RFC5: variants seen among roughly 807,000 people sequenced by gnomAD.
The protein encoded by RFC5 is A1 36 kDa subunit.
A neutral mutation model predicts 44.3 loss-of-function variants in RFC5; 26 were observed. That is an observed-to-expected ratio of 0.59 (90% CI 0.43 to 0.81). The LOEUF is 0.81. Ranked by LOEUF, RFC5 falls within the 40% of genes least tolerant of loss-of-function variation. RFC5 has a pLI of 0.00. For synonymous variants in RFC5, 155 were observed against 155.2 expected (o/e 1.00, Z 0.01); for missense variants, 328 against 418.6 (o/e 0.78, Z 1.89).
intron 10 of RFC5, 36 bp from the exon 11 acceptor site, chr12:118,031,144 GGT>G (rs745971426): frequency 1.4e-6 from 2 of 1,425,066 alleles, no homozygotes; most frequent in Admixed American, 1.7e-5. Context: ...AGCTGTGTTT[GGT>G]GTCTTTTTTC....
At chr12:118,034,664 T>C (rs2137759017), downstream of RFC5, 6 of 492,418 alleles carry the variant, frequency 1.2e-5, no homozygotes, top group South Asian at 1.5e-4. Context: ...ACCTACTGAA[T>C]TATAGATGTT....
In RFC5 at chr12:118,016,906, G is replaced by C; in HGVS notation, c.65+14G>C. 1 of 1,610,856 alleles carries C rather than the reference G, an allele frequency of 6.2e-7. No homozygotes were observed. The highest frequency in any genetic ancestry group is 8.5e-7 in the Non-Finnish European group (1 of 1,178,244). On this transcript the variant is annotated intron_variant, in intron 1 of 10. Transcript: ENST00000454402. Reference sequence around the variant, plus strand: ...GAACCTGCCCTGGTAGGAGGAGGCCGAGCGGCGGCGGTGGGCAGAGGGGGC... The same window carrying C: ...GAACCTGCCCTGGTAGGAGGAGGCCCAGCGGCGGCGGTGGGCAGAGGGGGC...
At position 118,030,321 on chromosome 12, in the gene RFC5, A is replaced by G. The variant is rs146421414; in HGVS notation, c.926+496A>G. ...TAGACGTCAGCATAGGCCAACTCTA[A>G]TTTGTGGCATTGGCTTTCACAGGCA... is the stretch of plus-strand genomic sequence containing the variant. On this transcript the variant is annotated intron_variant, in intron 10 of 10. Transcript: ENST00000454402. Among the ~76,000 whole-genome samples the G allele has an allele frequency of 8.5e-5, 13 of 152,288 alleles. No individual in the cohort carries two copies. In the East Asian group the frequency reaches 2.3e-3, roughly 27 times the overall value.
chr12:118,036,141 G>A (rs944717095), downstream of RFC5: 12 of 547,710 alleles, frequency 2.2e-5, no homozygotes, highest in East Asian at 3.1e-4. Flanking sequence ...GGTGGAGGTT[G>A]CAGTGATCCA....
At position 118,028,580 on chromosome 12, in the gene RFC5, CTT is replaced by C. The variant is rs1414941129; in HGVS notation, c.871+552_871+553del. Among the ~76,000 whole-genome samples the C allele has an allele frequency of 1.7e-4, 25 of 149,170 alleles. No individual in the cohort carries two copies. The East Asian group carries it at 3.4e-3, about 20-fold the overall frequency. On this transcript the variant is annotated intron_variant, in intron 9 of 10. Coordinates refer to ENST00000454402, the MANE Select transcript of RFC5 (RefSeq NM_007370.7). ...GAAAGTGAAAACTCCTGGAGGCTAA[CTT>C]TATTTCCTCTAGGGGTTTATATTTT... is the stretch of plus-strand genomic sequence containing the variant.
intron 5 of RFC5, among the ~76,000 whole-genome samples, chr12:118,024,277 G>A (rs1013208156): frequency 1.3e-5 from 2 of 151,408 alleles, no homozygotes; most frequent in Non-Finnish European, 2.9e-5. Context: ...GGAGGCAGAG[G>A]TTGCAGGGAG....
At chr12:118,040,354 C>T in the RFC5 span, among the ~76,000 whole-genome samples, 2 of 152,150 alleles carry the variant, frequency 1.3e-5, no homozygotes, top group Non-Finnish European at 2.9e-5. Context: ...CACTCTTGGT[C>T]ACTCTCACTT....
At chr12:118,025,544 G>A (rs1395621212) in intron 6 of RFC5, 1 of 493,468 alleles carries the variant, frequency 2.0e-6, no homozygotes, top group Non-Finnish European at 3.6e-6. Context: ...CTCGATTTTG[G>A]TTGGCTGTGA....
chr12:118,026,292 T>C (rs2030934722), intron 7 of RFC5, among the ~76,000 whole-genome samples: 1 of 152,208 alleles, frequency 6.6e-6, no homozygotes, highest in African/African-American at 2.4e-5. Flanking sequence ...ACTTTGTATT[T>C]TGATTAATTG....
At chr12:118,017,589 T>C in intron 1 of RFC5, 1 of 910,188 alleles carries the variant, frequency 1.1e-6, no homozygotes, top group Non-Finnish European at 1.4e-6. Context: ...AAGTTGTCAT[T>C]GTCTAGTAAC....
intron 3 of RFC5, among the ~76,000 whole-genome samples, chr12:118,020,265 TCA>T (rs2030393781): frequency 6.6e-6 from 1 of 152,178 alleles, no homozygotes; most frequent in African/African-American, 2.4e-5. Flanking sequence ...AGGGTACATC[TCA>T]CAGGTGGTAC....
chr12:118,017,712 C>T, intron 1 of RFC5: 2 of 771,750 alleles, frequency 2.6e-6, no homozygotes, highest in Non-Finnish European at 2.0e-6. Context: ...GCTCTGTCGC[C>T]CATGCTGGAG....
At chr12:118,020,855 AG>A in intron 3 of RFC5, 50 bp from the exon 4 acceptor site, 1 of 1,210,892 alleles carries the variant, frequency 8.3e-7, no homozygotes, top group East Asian at 2.3e-5. Context: ...AAGAACTCAC[AG>A]ATAGCACAGC....
chr12:118,019,865 C>T lies in RFC5; in HGVS notation c.267+97C>T, dbSNP rs1051075275. On this transcript the variant is annotated intron_variant, in intron 3 of 10. Transcript: ENST00000454402. This position sits in a 1 kb window ranked among gnomAD's most constrained non-coding sequence, Gnocchi z 4.2. ...TTATTTTACTTTAAAAGTAAGTTGC[C>T]CCACGGACAGTTAGGAAAGAAGTAA... is the stretch of plus-strand genomic sequence containing the variant. The T allele has an allele frequency of 9.2e-6, 9 of 977,196 alleles. No individual in the cohort carries two copies. Among genetic ancestry groups the T allele is most frequent in the African/African-American group, 8.2e-5 (5 of 60,878 alleles). The allele number at this position is 977,196 out of a possible 1,614,324, so 60.5% of individuals were successfully genotyped here.
chr12:118,025,032 G>A, intron 6 of RFC5, 22 bp downstream of exon 6: 3 of 1,608,296 alleles, frequency 1.9e-6, no homozygotes, highest in Non-Finnish European at 2.5e-6. Context: ...GCGGGCCTTT[G>A]GGGATGGAGT....
At position 118,022,456 on chromosome 12, in the gene RFC5, C is replaced by T. The variant is rs5745825; in HGVS notation, c.421+97C>T. ...TTGCTGTTGTCATTGTTTTTTTAGG[C>T]GGGGGGGAGTTTTTTTTTCTTTTTT... On this transcript the variant is annotated intron_variant, in intron 5 of 10. Coordinates refer to ENST00000454402, the MANE Select transcript of RFC5 (RefSeq NM_007370.7). 0.021 allele frequency: 18,242 copies of T among 852,886 alleles called. 264 individuals are homozygous for T. Among genetic ancestry groups the T allele is most frequent in the Non-Finnish European group, 0.026 (13,790 of 524,828 alleles). The allele number at this position is 852,886 out of a possible 1,614,324, so 52.8% of individuals were successfully genotyped here. A position where few individuals can be genotyped will look rare whatever the true frequency, so the allele number is the denominator to read the frequency against.
At chr12:118,034,587 C>CTCTCTCTCTCTCTCTCTCTCTT, downstream of RFC5, 1 of 554,750 alleles carries the variant, frequency 1.8e-6, no homozygotes, top group Non-Finnish European at 3.1e-6. Context: ...CTCTCTGTCT[C>CTCTCTCTCTCTCTCTCTCTCTT]TCTCTCGGCA....
chr12:118,023,924 A>C (rs1388503589), intron 5 of RFC5, among the ~76,000 whole-genome samples: 1 of 152,126 alleles, frequency 6.6e-6, no homozygotes, highest in Non-Finnish European at 1.5e-5. Flanking sequence ...TTTGTGAAAG[A>C]GGGGTGGCTA....
chr12:118,024,383 G>A (rs1456323891), intron 5 of RFC5, among the ~76,000 whole-genome samples: 2 of 151,722 alleles, frequency 1.3e-5, no homozygotes, highest in Middle Eastern at 3.2e-3. Context: ...ATCTGAACAG[G>A]CCAGCACTGC....
Sources: gnomAD v4.1 joint callset for allele counts (sites outside exome capture counted in the v4.1 genomes callset) on GRCh38, gnomAD v4.1.1 for gene constraint, Gnocchi (gnomAD v3.1) non-coding constraint, MANE v1.5 for transcripts, NCBI Gene and HGNC (gene_info 2026-07-23, HGNC 2026-07-21) for gene names.